Variants in KHDRBS3 observed in about 807,000 individuals in gnomAD.
KHDRBS3 encodes the protein KH domain-containing, RNA-binding, signal transduction-associated protein 3.
Under a neutral mutation model 45.6 loss-of-function variants are expected in KHDRBS3, and 23 were observed. That is an observed-to-expected ratio of 0.50 (90% CI 0.36 to 0.72). The LOEUF (loss-of-function observed/expected upper bound fraction) is 0.72, where lower values mean the gene tolerates loss of function less well. Ranked by LOEUF, KHDRBS3 falls within the 30% of genes least tolerant of loss-of-function variation. The probability of loss-of-function intolerance (pLI) is 0.00; values close to 1 mark genes in which losing one functional copy is unlikely to be tolerated. For missense variants in KHDRBS3, 352 were observed against 424.8 expected (o/e 0.83, Z 1.51); for synonymous variants, 162 against 156.5 (o/e 1.04, Z -0.26).
chr8:135,512,436 G>GC (rs1554620164), intron 1 of KHDRBS3, among the ~76,000 whole-genome samples: 2 of 129,980 alleles, frequency 1.5e-5, no homozygotes, highest in African/African-American at 2.9e-5. Flanking sequence ...AGTCGGGGGG[G>GC]GGGTAATAAC....
chr8:135,646,787 G>A (rs536074477), intron 8 of KHDRBS3, among the ~76,000 whole-genome samples: 2 of 152,258 alleles, frequency 1.3e-5, no homozygotes, highest in South Asian at 2.1e-4. Context: ...CCACGCTGAC[G>A]AATTTTGCGA....
intron 7 of KHDRBS3, among the ~76,000 whole-genome samples, chr8:135,627,192 T>C (rs576301711): frequency 6.6e-6 from 1 of 152,326 alleles, no homozygotes; most frequent in East Asian, 1.9e-4. Flanking sequence ...CGTGACAGCT[T>C]TCTGTAGTTA....
intron 4 of KHDRBS3, among the ~76,000 whole-genome samples, chr8:135,555,002 G>T (rs1471538921): frequency 1.3e-5 from 2 of 152,096 alleles, no homozygotes; most frequent in African/African-American, 2.4e-5. Context: ...GGAAGTAGCT[G>T]CCTGCCGTTA....
In KHDRBS3 at chr8:135,521,349, C is replaced by T. The variant is rs1196200883; in HGVS notation, c.201C>T (p.Phe67=). 1 of 1,581,142 alleles carries T rather than the reference C, an allele frequency of 6.3e-7. No individual in the cohort carries two copies. Among genetic ancestry groups the T allele is most frequent in the Admixed American group, 1.7e-5 (1 of 59,830 alleles). Reference sequence around the variant, plus strand: ...AAGTGTTAATTCCCGTAAAACAGTTCCCTAAGGTAAGACAGTGAGGTCTAC... The same window carrying T: ...AAGTGTTAATTCCCGTAAAACAGTTTCCTAAGGTAAGACAGTGAGGTCTAC... ...GQKVLIPVKQ[F]PKFNFVGKLL... Residue 67 remains phenylalanine (F), a synonymous_variant, in exon 2 of 9, where the codon TTC becomes TTT. Transcript: ENST00000355849.
chr8:135,649,967 A>T (rs73713810), downstream of KHDRBS3, among the ~76,000 whole-genome samples: 1,553 of 152,134 alleles, frequency 0.01, 22 homozygotes, highest in African/African-American at 0.035. Context: ...GCTCCACCAG[A>T]CCTGATTTTT....
At chr8:135,507,855 A>G (rs1185751813) in intron 1 of KHDRBS3, among the ~76,000 whole-genome samples, 1 of 152,192 alleles carries the variant, frequency 6.6e-6, no homozygotes, top group Non-Finnish European at 1.5e-5. Flanking sequence ...CTGATTTTTC[A>G]TCAGTGTCTT....
chr8:135,516,996 T>G (rs1824643986), intron 1 of KHDRBS3, among the ~76,000 whole-genome samples: 1 of 152,190 alleles, frequency 6.6e-6, no homozygotes, highest in Non-Finnish European at 1.5e-5. Context: ...ATTAGTGGAC[T>G]TTAGTATATC....
intron 1 of KHDRBS3, among the ~76,000 whole-genome samples, chr8:135,509,205 G>A (rs1824154741): frequency 6.6e-6 from 1 of 152,216 alleles, no homozygotes; most frequent in African/African-American, 2.4e-5. Flanking sequence ...TGTTGGAGGT[G>A]AAACTTAATT....
At chr8:135,564,790 A>C (rs1827323578) in intron 5 of KHDRBS3, among the ~76,000 whole-genome samples, 1 of 152,112 alleles carries the variant, frequency 6.6e-6, no homozygotes, top group African/African-American at 2.4e-5. Flanking sequence ...GATTTTTAAT[A>C]GTTTTTTATT....
intron 1 of KHDRBS3, among the ~76,000 whole-genome samples, chr8:135,471,163 C>T (rs1821996700): frequency 6.6e-6 from 1 of 152,194 alleles, no homozygotes; most frequent in African/African-American, 2.4e-5. Flanking sequence ...ATTCTTGTCT[C>T]ACCTGTCTTA....
chr8:135,563,577 C>T (rs1045631018), intron 5 of KHDRBS3, among the ~76,000 whole-genome samples: 3 of 152,206 alleles, frequency 2.0e-5, no homozygotes, highest in Admixed American at 6.5e-5. Context: ...TCCATAAAGA[C>T]CCATGTGTCC....
intron 7 of KHDRBS3, among the ~76,000 whole-genome samples, chr8:135,622,863 A>G (rs1280763850): frequency 6.6e-6 from 1 of 152,178 alleles, no homozygotes; most frequent in Non-Finnish European, 1.5e-5. Context: ...GGCTTAAGGA[A>G]CCCAACCTTG....
intron 7 of KHDRBS3, among the ~76,000 whole-genome samples, chr8:135,640,656 G>T (rs756366415): frequency 1.3e-5 from 2 of 152,132 alleles, no homozygotes; most frequent in African/African-American, 4.8e-5. Flanking sequence ...CCGTTGTAAC[G>T]GGGTGGGTCA....
chr8:135,499,997 G>C (rs1823652138), intron 1 of KHDRBS3, among the ~76,000 whole-genome samples: 1 of 152,140 alleles, frequency 6.6e-6, no homozygotes, highest in Non-Finnish European at 1.5e-5. Context: ...AAGTTTATAG[G>C]AGTTAAGACT....
At chr8:135,534,864 A>C (rs574177466) in intron 2 of KHDRBS3, among the ~76,000 whole-genome samples, 1 of 152,260 alleles carries the variant, frequency 6.6e-6, no homozygotes, top group Admixed American at 6.5e-5. Flanking sequence ...ATCAGACACC[A>C]TGCACAAGCC....
At chr8:135,506,944 T>A (rs1396136247) in intron 1 of KHDRBS3, among the ~76,000 whole-genome samples, 2 of 152,196 alleles carry the variant, frequency 1.3e-5, no homozygotes, top group African/African-American at 4.8e-5. Flanking sequence ...ACATTTTCGT[T>A]TATTTCAGCT....
chr8:135,635,286 T>A (rs1049187169), intron 7 of KHDRBS3, among the ~76,000 whole-genome samples: 1 of 152,252 alleles, frequency 6.6e-6, no homozygotes, highest in Non-Finnish European at 1.5e-5. Flanking sequence ...GAACAACAGA[T>A]GTGTCACTGG....
chr8:135,504,833 T>A (rs1056249252), intron 1 of KHDRBS3, among the ~76,000 whole-genome samples: 3 of 152,200 alleles, frequency 2.0e-5, no homozygotes, highest in Non-Finnish European at 2.9e-5. Flanking sequence ...AGAGAGAACA[T>A]CTATGCTAAT....
intron 2 of KHDRBS3, among the ~76,000 whole-genome samples, chr8:135,527,858 G>C (rs940278033): frequency 6.6e-6 from 1 of 152,182 alleles, no homozygotes; most frequent in Non-Finnish European, 1.5e-5. Context: ...GTTTTCTGGA[G>C]TATAGGTTTT....
Sources: gnomAD v4.1 joint callset for allele counts (sites outside exome capture counted in the v4.1 genomes callset) on GRCh38, gnomAD v4.1.1 for gene constraint, MANE v1.5 for transcripts, NCBI Gene and HGNC (gene_info 2026-07-23, HGNC 2026-07-21) for gene names.